The following ARGLU1 variants were observed in gnomAD, a reference collection of about 807,000 sequenced individuals.
The protein encoded by ARGLU1 is arginine and glutamate-rich protein 1.
ARGLU1 carries 9 observed loss-of-function variants against 37.6 expected under a neutral mutation model. The ratio of observed to expected loss-of-function variants is 0.24; its 90% confidence interval spans 0.14 to 0.42. The LOEUF is 0.42. Ranked by LOEUF, ARGLU1 falls within the 10% of genes least tolerant of loss-of-function variation. The pLI is 1.00. For missense variants in ARGLU1, 211 were observed against 359.2 expected, an observed-to-expected ratio of 0.59 and a Z score of 3.34; for synonymous variants, 166 against 138.5, an observed-to-expected ratio of 1.20 and a Z score of -1.39.
chr13:106,548,216 T>C (rs1195424499), intron 3 of ARGLU1, among the ~76,000 whole-genome samples: 2 of 152,228 alleles, frequency 1.3e-5, no homozygotes, highest in Admixed American at 6.5e-5. Context: ...AACCGTCATC[T>C]CTCATTTTAA....
In ARGLU1 at chr13:106,557,221, A is replaced by G. The variant is rs1341332057; in HGVS notation, c.574-90T>C. The G allele has an allele frequency of 8.6e-7, 1 of 1,157,558 alleles. No individual in the cohort carries two copies. The highest frequency in any genetic ancestry group is 2.6e-5 in the East Asian group (1 of 39,040). 71.7% of individuals were successfully genotyped at this position (1,157,558 alleles called of 1,614,324 possible). On this transcript the variant is annotated intron_variant, in intron 2 of 3. Transcript: ENST00000400198. This position sits in a 1 kb window ranked among gnomAD's most constrained non-coding sequence, Gnocchi z 5.0. ...ACTAATCTTCCTCTGAACTTTTTTGATATGACTTACAGGGTAGCTTTATAG... is the reference window on the plus strand; with the variant it reads ...ACTAATCTTCCTCTGAACTTTTTTGGTATGACTTACAGGGTAGCTTTATAG...
At chr13:106,549,517 C>G (rs1299983513) in intron 3 of ARGLU1, among the ~76,000 whole-genome samples, 1 of 152,150 alleles carries the variant, frequency 6.6e-6, no homozygotes, top group African/African-American at 2.4e-5. Flanking sequence ...GTAAATTTTT[C>G]TGAGGTATTC....
Position 106,557,646 on chromosome 13 carries a change from C to G in ARGLU1, c.574-515G>C, listed in dbSNP as rs1031136581. ...AAAATGATTTGTACTGTTAGCTTGG[C>G]AATACCTGCATCAGCAGCTCAACCA... On this transcript the variant is annotated intron_variant, in intron 2 of 3. Coordinates refer to ENST00000400198, the MANE Select transcript of ARGLU1 (RefSeq NM_018011.4). The surrounding 1 kb of genome is among the most constrained non-coding windows in gnomAD (Gnocchi z 5.0). 16 of 1,582,198 alleles carry G rather than the reference C, an allele frequency of 1.0e-5. No homozygotes were observed. The highest frequency in any genetic ancestry group is 1.2e-5 in the Non-Finnish European group (14 of 1,163,520).
rs1479158597 is a variant in ARGLU1, at chr13:106,541,797, AAAAC to A, written c.*2195_*2198del. The A allele has an allele frequency of 6.6e-6, 1 of 152,226 alleles. No individual in the cohort carries two copies. Among genetic ancestry groups the A allele is most frequent in the Non-Finnish European group, 1.5e-5 (1 of 68,036 alleles). The allele number at this position is 152,226 out of a possible 1,614,324, so 9.4% of individuals were successfully genotyped here. On this transcript the variant is annotated 3_prime_UTR_variant, in exon 4 of 4. Transcript: ENST00000400198. ...TATAATGCATTAAGAATAACCTAAA[AAAAC>A]AAATTGTGAATAAAGGCATATTTAA...
chr13:106,547,526 T>C (rs1255099093), intron 3 of ARGLU1, among the ~76,000 whole-genome samples: 1 of 152,102 alleles, frequency 6.6e-6, no homozygotes, highest in Non-Finnish European at 1.5e-5. Context: ...GAATATTGTA[T>C]AGCCATTAAA....
chr13:106,565,182 A>C (rs970785924), intron 1 of ARGLU1, among the ~76,000 whole-genome samples: 1 of 152,208 alleles, frequency 6.6e-6, no homozygotes, highest in Non-Finnish European at 1.5e-5. Flanking sequence ...AATATGACAT[A>C]CAATAACCCT....
Position 106,542,501 on chromosome 13 carries a change from C to T in ARGLU1, c.*1495G>A, listed in dbSNP as rs1360106594. On this transcript the variant is annotated 3_prime_UTR_variant, in exon 4 of 4. Transcript: ENST00000400198. ...TCTTTAAACTGATTTTATATTGTTC[C>T]TTACCACAATTAGACTCATTGAAGA... 6.6e-6 allele frequency: 1 copy of T among 151,916 alleles called. No homozygotes were observed. Among genetic ancestry groups the T allele is most frequent in the African/African-American group, 2.4e-5 (1 of 41,376 alleles). The allele number at this position is 151,916 out of a possible 1,614,324, so 9.4% of individuals were successfully genotyped here.
At chr13:106,548,464 G>GT (rs1267876552) in intron 3 of ARGLU1, among the ~76,000 whole-genome samples, 6 of 152,134 alleles carry the variant, frequency 3.9e-5, no homozygotes, top group Non-Finnish European at 8.8e-5. Context: ...ATGCATATAT[G>GT]TATTTATACA....
At chr13:106,562,269 A>T (rs1880827215) in intron 1 of ARGLU1, among the ~76,000 whole-genome samples, 1 of 152,224 alleles carries the variant, frequency 6.6e-6, no homozygotes, top group South Asian at 2.1e-4. Context: ...AATTTTAGAA[A>T]CAATGCTGAA....
At chr13:106,548,384 A>T (rs1345513019) in intron 3 of ARGLU1, among the ~76,000 whole-genome samples, 6 of 152,152 alleles carry the variant, frequency 3.9e-5, no homozygotes, top group Non-Finnish European at 7.3e-5. Flanking sequence ...GGAGAATACA[A>T]CCATTGCTCC....
rs1341398059 is a variant in ARGLU1 at position 106,567,170 on chromosome 13, T to C, written c.347+403A>G. On this transcript the variant is annotated intron_variant, in intron 1 of 3. Transcript: ENST00000400198. The surrounding 1 kb of genome is among the most constrained non-coding windows in gnomAD (Gnocchi z 4.3). Reference sequence around the variant, plus strand: ...CAAAGGTTAATTCCCTTCTCTCTCCTCCTCAAGCCGACCAGCAAACGCTCA... The same window carrying C: ...CAAAGGTTAATTCCCTTCTCTCTCCCCCTCAAGCCGACCAGCAAACGCTCA... Among the ~76,000 whole-genome samples, 1 of 151,832 alleles carries C rather than the reference T, an allele frequency of 6.6e-6. No homozygotes were observed. The highest frequency in any genetic ancestry group is 2.4e-5 in the African/African-American group (1 of 41,308).
In ARGLU1 at chr13:106,543,825, G is replaced by GAAAAAAAAAAAAAAAAAA. The variant is rs11349875; in HGVS notation, c.*170_*171insTTTTTTTTTTTTTTTTTT. ...TGATAAGGATTTGACTTAGTGGAAGGAAAAAAAAAAAAAAAAAGGGAATTG... is the reference window on the plus strand; with the variant it reads ...TGATAAGGATTTGACTTAGTGGAAGGAAAAAAAAAAAAAAAAAAAAAAAAAAAAAAAAAAAGGGAATTG... On this transcript the variant is annotated 3_prime_UTR_variant, in exon 4 of 4. Transcript: ENST00000400198. The GAAAAAAAAAAAAAAAAAA allele has an allele frequency of 5.2e-6, 2 of 382,514 alleles. No individual in the cohort carries two copies. The highest frequency in any genetic ancestry group is 4.4e-6 in the Non-Finnish European group (1 of 228,340). 23.7% of individuals were successfully genotyped at this position (382,514 alleles called of 1,614,324 possible).
In ARGLU1 at chr13:106,558,387, T is replaced by A. The variant is rs899263312; in HGVS notation, c.573+1045A>T. 4 of 985,428 alleles carry A rather than the reference T, an allele frequency of 4.1e-6. No homozygotes were observed. In the South Asian group the frequency reaches 1.9e-4, roughly 46 times the overall value. 61.0% of individuals were successfully genotyped at this position (985,428 alleles called of 1,614,324 possible). ...TACCAGAAAGCAAAGAGATTTAATA[T>A]GTCAACTTGTCCACAATAATGCCAA... On this transcript the variant is annotated intron_variant, in intron 2 of 3. Transcript: ENST00000400198.
intron 3 of ARGLU1, among the ~76,000 whole-genome samples, chr13:106,548,811 C>G (rs561381110): frequency 6.6e-6 from 1 of 152,162 alleles, no homozygotes; most frequent in Non-Finnish European, 1.5e-5. Context: ...TGCAATGACA[C>G]GATCTTGGCT....
rs1030188043 is a variant in ARGLU1, at chr13:106,542,945, GTTCT to G, written c.*1047_*1050del. ...CCTTTTTTTGACAGTATAAAGCTAA[GTTCT>G]TTCTGATGGCCCACTCTGAAAACGA... On this transcript the variant is annotated 3_prime_UTR_variant, in exon 4 of 4. Transcript: ENST00000400198. 1.3e-5 allele frequency: 2 copies of G among 151,872 alleles called. No homozygotes were observed. Among genetic ancestry groups the G allele is most frequent in the African/African-American group, 4.8e-5 (2 of 41,366 alleles). 9.4% of individuals were successfully genotyped at this position (151,872 alleles called of 1,614,324 possible). A position where few individuals can be genotyped will look rare whatever the true frequency, so the allele number is the denominator to read the frequency against.
chr13:106,553,577 T>C (rs1053101510), intron 3 of ARGLU1, among the ~76,000 whole-genome samples: 5 of 152,172 alleles, frequency 3.3e-5, no homozygotes, highest in African/African-American at 1.2e-4. Context: ...ATCTGTATAA[T>C]AACCCGCCAA....
Position 106,541,877 on chromosome 13 carries a change from T to C in ARGLU1, c.*2119A>G, listed in dbSNP as rs889926988. On this transcript the variant is annotated 3_prime_UTR_variant, in exon 4 of 4. Transcript: ENST00000400198. ...AATAGACTGGGGGAAATTTTTAAGT[T>C]TTCTATGTACACAAAGGCAGTGGGA... is the stretch of plus-strand genomic sequence containing the variant. 6.6e-6 allele frequency: 1 copy of C among 152,194 alleles called. No homozygotes were observed. Among genetic ancestry groups the C allele is most frequent in the African/African-American group, 2.4e-5 (1 of 41,436 alleles). 9.4% of individuals were successfully genotyped at this position (152,194 alleles called of 1,614,324 possible). A position where few individuals can be genotyped will look rare whatever the true frequency, so the allele number is the denominator to read the frequency against.
rs763432314 is a variant in ARGLU1, at chr13:106,542,302, T to TG, written c.*1693dup. On this transcript the variant is annotated 3_prime_UTR_variant, in exon 4 of 4. Coordinates refer to ENST00000400198, the MANE Select transcript of ARGLU1 (RefSeq NM_018011.4). Reference sequence around the variant, plus strand: ...GAATCTTCACCAAAAAAAGTTACATTGAAAAAAAAAAAAATTCATGAAATA... The same window carrying TG: ...GAATCTTCACCAAAAAAAGTTACATTGGAAAAAAAAAAAAATTCATGAAATA... 1 of 149,278 alleles carries TG rather than the reference T, an allele frequency of 6.7e-6. No individual in the cohort carries two copies. Among genetic ancestry groups the TG allele is most frequent in the Non-Finnish European group, 1.5e-5 (1 of 67,392 alleles). The allele number at this position is 149,278 out of a possible 1,614,324, so 9.2% of individuals were successfully genotyped here.
chr13:106,559,766 G>A, intron 1 of ARGLU1, 109 bp from the exon 2 acceptor site: 2 of 1,177,692 alleles, frequency 1.7e-6, no homozygotes, highest in Non-Finnish European at 2.4e-6. Flanking sequence ...ATTATTCAGT[G>A]ATTTTTTCAG....
Sources: gnomAD v4.1 joint callset for allele counts (sites outside exome capture counted in the v4.1 genomes callset) on GRCh38, gnomAD v4.1.1 for gene constraint, Gnocchi (gnomAD v3.1) non-coding constraint, MANE v1.5 for transcripts, NCBI Gene and HGNC (gene_info 2026-07-23, HGNC 2026-07-21) for gene names.